The following KALRN variants were observed in gnomAD, a reference collection of about 807,000 sequenced individuals.
KALRN encodes kalirin RhoGEF kinase, also known as kalirin.
KALRN carries 70 observed loss-of-function variants against 353.7 expected under a neutral mutation model. The ratio of observed to expected loss-of-function variants is 0.20; its 90% confidence interval spans 0.16 to 0.24. The LOEUF (loss-of-function observed/expected upper bound fraction) is 0.24. KALRN is among the 10% of genes least tolerant of loss of function. KALRN has a pLI of 1.00. For missense variants in KALRN, 2,791 were observed against 3,756.7 expected (o/e 0.74, Z 6.72); for synonymous variants, 1,391 against 1,434.8 (o/e 0.97, Z 0.69).
At chr3:124,323,552 A>G (rs570462166) in intron 6 of KALRN, among the ~76,000 whole-genome samples, 1 of 152,272 alleles carries the variant, frequency 6.6e-6, no homozygotes, top group East Asian at 1.9e-4. Flanking sequence ...CACCTCTAAT[A>G]GCTAGAAAGT....
intron 1 of KALRN, among the ~76,000 whole-genome samples, chr3:124,214,406 T>G (rs1407265750): frequency 1.3e-5 from 2 of 152,206 alleles, no homozygotes; most frequent in Non-Finnish European, 2.9e-5. Context: ...ATAAATCTCT[T>G]TACTCCCTAA....
intron 1 of KALRN, among the ~76,000 whole-genome samples, chr3:124,224,156 G>GTT (rs199787944): frequency 6.4e-4 from 85 of 133,096 alleles, no homozygotes; most frequent in African/African-American, 1.9e-3. Context: ...CCCTGATTTT[G>GTT]TTTTTTTTTT....
intron 3 of KALRN, among the ~76,000 whole-genome samples, chr3:124,257,865 A>T (rs1290741986): frequency 6.6e-6 from 1 of 152,312 alleles, no homozygotes; most frequent in East Asian, 1.9e-4. Context: ...AGGATATAAA[A>T]GTCTGCTGCT....
chr3:124,641,652 T>C (rs612303), intron 37 of KALRN, among the ~76,000 whole-genome samples: 35,687 of 152,122 alleles, frequency 0.23, 4,497 homozygotes, highest in East Asian at 0.47. Context: ...TAGGCATGAA[T>C]GGGCTTTGTA....
intron 33 of KALRN, among the ~76,000 whole-genome samples, chr3:124,527,032 A>G (rs1469883635): frequency 6.6e-6 from 1 of 152,196 alleles, no homozygotes; most frequent in Admixed American, 6.5e-5. Context: ...ATACAGACAA[A>G]TAAGTAAGGT....
At chr3:124,335,400 C>T (rs2081038830) in intron 9 of KALRN, among the ~76,000 whole-genome samples, 1 of 151,914 alleles carries the variant, frequency 6.6e-6, no homozygotes, top group African/African-American at 2.4e-5. Flanking sequence ...GTTGCTTTTT[C>T]CTTTACCACT....
intron 39 of KALRN, among the ~76,000 whole-genome samples, chr3:124,656,392 C>T (rs549062736): frequency 2.6e-5 from 4 of 152,128 alleles, no homozygotes; most frequent in South Asian, 2.1e-4. Context: ...GGGTGGATCA[C>T]GAGGTCAGGA....
At chr3:124,346,185 T>C (rs775777069) in intron 9 of KALRN, among the ~76,000 whole-genome samples, 21 of 152,156 alleles carry the variant, frequency 1.4e-4, no homozygotes, top group Non-Finnish European at 2.8e-4. Flanking sequence ...CAAAAGATGA[T>C]CTCTGGGATA....
chr3:124,324,686 G>C (rs906850199), intron 6 of KALRN, among the ~76,000 whole-genome samples: 1 of 152,178 alleles, frequency 6.6e-6, no homozygotes, highest in Non-Finnish European at 1.5e-5. Flanking sequence ...AATTAAGAGA[G>C]ACCCTACCAA....
chr3:124,518,570 G>A, intron 33 of KALRN: 1 of 1,604,638 alleles, frequency 6.2e-7, no homozygotes, highest in Non-Finnish European at 8.5e-7. Context: ...TCTCTGGCAG[G>A]GCTGGTGTGG....
At chr3:124,714,822 C>A (rs938461914) in intron 58 of KALRN, among the ~76,000 whole-genome samples, 6 of 152,134 alleles carry the variant, frequency 3.9e-5, no homozygotes, top group Admixed American at 6.5e-5. Context: ...TCGAGGCCAG[C>A]CTCGCCAACA....
At chr3:124,230,189 T>C (rs1025210740) in intron 2 of KALRN, among the ~76,000 whole-genome samples, 2 of 152,344 alleles carry the variant, frequency 1.3e-5, no homozygotes, top group East Asian at 1.9e-4. Context: ...CTTCTTTTTA[T>C]GGTCCTTAGT....
chr3:124,113,540 C>G (rs551986077), intron 1 of KALRN, among the ~76,000 whole-genome samples: 7 of 152,308 alleles, frequency 4.6e-5, no homozygotes, highest in Admixed American at 4.6e-4. Flanking sequence ...TGAAGTGTGG[C>G]CCAAGGCCCT....
At chr3:124,606,129 T>G (rs375717392) in intron 34 of KALRN, among the ~76,000 whole-genome samples, 3 of 152,370 alleles carry the variant, frequency 2.0e-5, no homozygotes, top group African/African-American at 4.8e-5. Context: ...TTTATTGAAC[T>G]TAAGCATACT....
In KALRN at chr3:124,271,052, C is replaced by T. The variant is rs185492670; in HGVS notation, c.969+1797C>T. Among the ~76,000 whole-genome samples, 623 of 152,134 alleles carry T rather than the reference C, an allele frequency of 4.1e-3. 6 individuals are homozygous for T. Among genetic ancestry groups the T allele is most frequent in the African/African-American group, 0.014 (595 of 41,498 alleles). ...TTCACCGTGTTAGCCAGGATGGTCT[C>T]GATCTCCTGACCTCGTGATCCACTC... On this transcript the variant is annotated intron_variant, in intron 5 of 59. Coordinates refer to ENST00000682506, the MANE Select transcript of KALRN (RefSeq NM_001388419.1).
chr3:124,043,215 G>A (rs1364332860), intron 1 of KALRN, among the ~76,000 whole-genome samples: 2 of 152,254 alleles, frequency 1.3e-5, no homozygotes, highest in Non-Finnish European at 2.9e-5. Flanking sequence ...TGAGGAGTGA[G>A]CGCATGGGGA....
Position 124,551,887 on chromosome 3 carries a change from T to G in KALRN, c.4936-10956T>G, listed in dbSNP as rs80242140. Among the ~76,000 whole-genome samples, 447 of 152,320 alleles carry G rather than the reference T, an allele frequency of 2.9e-3. 3 individuals carry two copies. Among genetic ancestry groups the G allele is most frequent in the African/African-American group, 0.01 (424 of 41,570 alleles). ...ACAGCAGCTGGCTGGTGAAGAAGAA[T>G]AAGTGCATGGATGAGGAGGCTGGAC... On this transcript the variant is annotated intron_variant, in intron 33 of 59. Transcript: ENST00000682506.
chr3:124,232,319 C>A (rs2079255462), intron 2 of KALRN, among the ~76,000 whole-genome samples: 1 of 152,202 alleles, frequency 6.6e-6, no homozygotes. Context: ...GAGAGAAGTT[C>A]TCCAGTGATG....
intron 1 of KALRN, chr3:124,094,751 T>G: frequency 2.6e-6 from 3 of 1,135,318 alleles, no homozygotes; most frequent in Non-Finnish European, 4.0e-6. Context: ...GAGCCCAGCG[T>G]CAAGTGATTC....
Sources: allele counts gnomAD v4.1 joint callset (sites outside exome capture counted in the v4.1 genomes callset), GRCh38; gene constraint gnomAD v4.1.1; transcripts MANE v1.5; gene names NCBI Gene and HGNC (gene_info 2026-07-23, HGNC 2026-07-21).